SH3GL3: variants seen among roughly 807,000 people sequenced by gnomAD.
SH3GL3 encodes endophilin-A3.
In SH3GL3, 33 loss-of-function variants were observed where a neutral mutation model predicts 47.7. That is an observed-to-expected ratio of 0.69 (90% CI 0.52 to 0.92). The LOEUF (loss-of-function observed/expected upper bound fraction) is 0.92, where lower values mean the gene tolerates loss of function less well. Among genes scored for constraint, SH3GL3 ranks in the 40% least tolerant of loss-of-function variants. The probability of loss-of-function intolerance (pLI) is 0.00; values close to 1 mark genes in which losing one functional copy is unlikely to be tolerated. For missense variants in SH3GL3, 363 were observed against 417.8 expected (o/e 0.87, Z 1.14); for synonymous variants, 155 against 148.8 (o/e 1.04, Z -0.30).
intron 1 of SH3GL3, among the ~76,000 whole-genome samples, chr15:83,499,022 G>C (rs2042189242): frequency 6.6e-6 from 1 of 152,068 alleles, no homozygotes; most frequent in African/African-American, 2.4e-5. Flanking sequence ...TTAAGATTCT[G>C]TTGAAGCATT....
At chr15:83,567,081 C>T (rs915098731) in intron 3 of SH3GL3, among the ~76,000 whole-genome samples, 1 of 152,170 alleles carries the variant, frequency 6.6e-6, no homozygotes, top group East Asian at 1.9e-4. Flanking sequence ...GTGATTCACT[C>T]TCTCACCTAC....
At position 83,565,427 on chromosome 15, in the gene SH3GL3, G is replaced by A. The variant is rs115956298; in HGVS notation, c.187+221G>A. 1,528 of 495,182 alleles carry A rather than the reference G, an allele frequency of 3.1e-3. 6 individuals are homozygous for A. The highest frequency in any genetic ancestry group is 0.016 in the African/African-American group (792 of 50,344). 30.7% of individuals were successfully genotyped at this position (495,182 alleles called of 1,614,324 possible). ...TTGTGAATTTCAGTTGACATCATCC[G>A]AATGGAGTGCTGGTCATAGCAACAA... On this transcript the variant is annotated intron_variant, in intron 3 of 8. Transcript: ENST00000427482.
chr15:83,621,110 C>T (rs960050578), downstream of SH3GL3, among the ~76,000 whole-genome samples: 1 of 152,212 alleles, frequency 6.6e-6, no homozygotes, highest in Non-Finnish European at 1.5e-5. Flanking sequence ...GATCATCAGA[C>T]CACTCAAACT....
intron 1 of SH3GL3, among the ~76,000 whole-genome samples, chr15:83,486,300 A>G (rs1416843432): frequency 6.6e-6 from 1 of 152,232 alleles, no homozygotes; most frequent in Non-Finnish European, 1.5e-5. Flanking sequence ...AGTGGCATTT[A>G]GTAGTCACAG....
At chr15:83,502,760 A>G (rs775695638) in intron 1 of SH3GL3, among the ~76,000 whole-genome samples, 11 of 152,114 alleles carry the variant, frequency 7.2e-5, no homozygotes, top group Non-Finnish European at 1.2e-4. Context: ...AGGGGGTTTC[A>G]CTATGTTGCC....
At chr15:83,547,469 A>G (rs1260494686) in intron 1 of SH3GL3, among the ~76,000 whole-genome samples, 1 of 152,236 alleles carries the variant, frequency 6.6e-6, no homozygotes, top group Non-Finnish European at 1.5e-5. Context: ...AGTGTCGGCA[A>G]TTCAAAACTA....
In SH3GL3 at chr15:83,570,233, T is replaced by G. The variant is rs192721163; in HGVS notation, c.331+1561T>G. Among the ~76,000 whole-genome samples, 122 of 152,326 alleles carry G rather than the reference T, an allele frequency of 8.0e-4. 1 individual carries two copies. Among genetic ancestry groups the G allele is most frequent in the African/African-American group, 2.7e-3 (113 of 41,582 alleles). ...TTTTGTTTTCTAACAAATAAATAGC[T>G]TGTTTCAGTACTGTTGAAAAGTCCA... On this transcript the variant is annotated intron_variant, in intron 4 of 8. Transcript: ENST00000427482.
At chr15:83,588,257 A>G (rs764372911) in intron 7 of SH3GL3, among the ~76,000 whole-genome samples, 2 of 152,022 alleles carry the variant, frequency 1.3e-5, no homozygotes, top group Admixed American at 1.3e-4. Flanking sequence ...AAGCCTCCCG[A>G]GTAGCTGGGA....
At chr15:83,602,898 T>G (rs2060423654) in intron 8 of SH3GL3, among the ~76,000 whole-genome samples, 1 of 152,206 alleles carries the variant, frequency 6.6e-6, no homozygotes, top group South Asian at 2.1e-4. Context: ...GAGGGCTACC[T>G]TCTTTGACAT....
At chr15:83,507,527 G>A (rs2042564745) in intron 1 of SH3GL3, among the ~76,000 whole-genome samples, 1 of 151,778 alleles carries the variant, frequency 6.6e-6, no homozygotes, top group African/African-American at 2.4e-5. Context: ...TGATTCTCCT[G>A]CCTCTGCCTC....
chr15:83,519,001 G>T lies in SH3GL3; in HGVS notation c.46-40252G>T, dbSNP rs73448415. Among the ~76,000 whole-genome samples the T allele has an allele frequency of 1.5e-3, 233 of 152,066 alleles. 2 individuals carry two copies. The highest frequency in any genetic ancestry group is 5.3e-3 in the African/African-American group (219 of 41,506). On this transcript the variant is annotated intron_variant, in intron 1 of 8. Coordinates refer to ENST00000427482, the MANE Select transcript of SH3GL3 (RefSeq NM_003027.5). The stretch of plus-strand genomic sequence containing the variant: ...TGTAGGTGTGCAGCTTTATTTCTGG[G>T]TTGTCTGTTCTGTTCCATTGGTCTA...
chr15:83,518,430 T>C (rs2043076575), intron 1 of SH3GL3, among the ~76,000 whole-genome samples: 1 of 152,238 alleles, frequency 6.6e-6, no homozygotes, highest in Admixed American at 6.5e-5. Flanking sequence ...TAATAGTCTT[T>C]CTGACTGGTG....
At chr15:83,494,332 G>T (rs971202837) in intron 1 of SH3GL3, among the ~76,000 whole-genome samples, 1 of 152,134 alleles carries the variant, frequency 6.6e-6, no homozygotes, top group African/African-American at 2.4e-5. Context: ...GCAGGCTGAA[G>T]ATCTTTTATA....
rs370274466 is a variant in SH3GL3 at position 83,605,216 on chromosome 15, G to A, written c.839-12866G>A. The stretch of plus-strand genomic sequence containing the variant: ...CACTGTGTGTCTTTTGCCTGTGCCT[G>A]TCCCAGGCTGCTTCTTCTAAGTTTC... On this transcript the variant is annotated intron_variant, in intron 8 of 8. Coordinates refer to ENST00000427482, the MANE Select transcript of SH3GL3 (RefSeq NM_003027.5). Among the ~76,000 whole-genome samples the A allele has an allele frequency of 1.5e-4, 23 of 152,282 alleles. No individual in the cohort carries two copies. In the South Asian group the frequency reaches 3.7e-3, roughly 25 times the overall value.
chr15:83,534,623 A>G (rs2043825208), intron 1 of SH3GL3, among the ~76,000 whole-genome samples: 1 of 152,222 alleles, frequency 6.6e-6, no homozygotes, highest in South Asian at 2.1e-4. Context: ...AATTTAAGAA[A>G]ATAAAAATTA....
intron 1 of SH3GL3, among the ~76,000 whole-genome samples, chr15:83,554,731 C>A (rs150564858): frequency 2.0e-5 from 3 of 152,284 alleles, no homozygotes; most frequent in Non-Finnish European, 4.4e-5. Flanking sequence ...CCTTCATTGT[C>A]CCTGGCATCT....
At chr15:83,458,042 CAT>C (rs1438424581) in intron 1 of SH3GL3, among the ~76,000 whole-genome samples, 1 of 152,100 alleles carries the variant, frequency 6.6e-6, no homozygotes, top group Admixed American at 6.6e-5. Context: ...GTGGGTATCT[CAT>C]GTGTATTTGG....
At chr15:83,568,033 A>T (rs1170536870) in intron 3 of SH3GL3, among the ~76,000 whole-genome samples, 1 of 146,294 alleles carries the variant, frequency 6.8e-6, no homozygotes, top group Non-Finnish European at 1.5e-5. Flanking sequence ...CCCAGGCTAG[A>T]GTGCAATGGC....
chr15:83,493,041 A>G (rs574745110), intron 1 of SH3GL3, among the ~76,000 whole-genome samples: 4 of 152,364 alleles, frequency 2.6e-5, no homozygotes, highest in Admixed American at 2.0e-4. Flanking sequence ...TATGAGTTAA[A>G]TGTGGAAACA....
Sources: allele counts gnomAD v4.1 joint callset (sites outside exome capture counted in the v4.1 genomes callset), GRCh38; gene constraint gnomAD v4.1.1; transcripts MANE v1.5; gene names NCBI Gene and HGNC (gene_info 2026-07-23, HGNC 2026-07-21).